Variants in TRPM6 observed in about 807,000 individuals in gnomAD.
The protein encoded by TRPM6 is channel kinase 2.
Under a neutral mutation model 247.6 loss-of-function variants are expected in TRPM6, and 111 were observed. That is an observed-to-expected ratio of 0.45 (90% CI 0.38 to 0.52). The LOEUF is 0.52. TRPM6 is among the 20% of genes least tolerant of loss of function. The pLI is 0.00. For missense variants in TRPM6, 2,126 were observed against 2,421.5 expected, an observed-to-expected ratio of 0.88 and a Z score of 2.56; for synonymous variants, 892 against 853.8, an observed-to-expected ratio of 1.04 and a Z score of -0.78.
In TRPM6 at chr9:74,886,513, C is replaced by CT. The variant is rs559658032; in HGVS notation, c.33+1310dup. 3.1e-3 allele frequency among the ~76,000 whole-genome samples: 455 copies of CT among 145,730 alleles called. 2 individuals carry two copies. Among genetic ancestry groups the CT allele is most frequent in the Admixed American group, 8.7e-3 (127 of 14,588 alleles). ...CTATGTTCTCAGTGTCTTTTTTTCTCTTTTTTTTTTTTCTTTTTTATGTTC... is the reference window on the plus strand; with the variant it reads ...CTATGTTCTCAGTGTCTTTTTTTCTCTTTTTTTTTTTTTCTTTTTTATGTTC... On this transcript the variant is annotated intron_variant, in intron 1 of 38. Transcript: ENST00000360774.
intron 36 of TRPM6, chr9:74,737,562 G>A: frequency 1.7e-6 from 1 of 586,812 alleles, no homozygotes; most frequent in Non-Finnish European, 2.8e-6. Context: ...ACAGTGAAAA[G>A]AAAAGAACAG....
intron 1 of TRPM6, among the ~76,000 whole-genome samples, chr9:74,883,947 C>T (rs10746965): frequency 0.37 from 56,113 of 151,868 alleles, 11,940 homozygotes; most frequent in East Asian, 0.5. Flanking sequence ...GTCGGGAGTT[C>T]GAGACCATCC....
At chr9:74,747,755 A>G (rs930910377) in intron 31 of TRPM6, 134 bp downstream of exon 31, 10 of 736,728 alleles carry the variant, frequency 1.4e-5, no homozygotes, top group Non-Finnish European at 2.2e-5. Context: ...TCTTCTACTG[A>G]ACTTTCTACA....
rs1217574114 is a variant in TRPM6, at chr9:74,812,284, A to C, written c.1443+15T>G. The C allele has an allele frequency of 6.2e-7, 1 of 1,613,220 alleles. No homozygotes were observed. The highest frequency in any genetic ancestry group is 1.7e-5 in the Admixed American group (1 of 59,974). On this transcript the variant is annotated intron_variant, in intron 12 of 38. Coordinates refer to ENST00000360774, the MANE Select transcript of TRPM6 (RefSeq NM_017662.5). The stretch of plus-strand genomic sequence containing the variant: ...AATCTGGAGGGAAATGATTGATGAA[A>C]TGTTCCATACTCACTGTATTGTAGA...
At chr9:74,809,603 AT>A (rs1336939167) in intron 13 of TRPM6, among the ~76,000 whole-genome samples, 4 of 152,228 alleles carry the variant, frequency 2.6e-5, no homozygotes, top group Non-Finnish European at 5.9e-5. Flanking sequence ...TTTAAAAAAA[AT>A]AAATAAAATC....
chr9:74,739,077 CT>C (rs1825779207), intron 35 of TRPM6, among the ~76,000 whole-genome samples: 1 of 152,196 alleles, frequency 6.6e-6, no homozygotes, highest in South Asian at 2.1e-4. Flanking sequence ...CATAATGCCC[CT>C]GGACATTAAT....
At chr9:74,843,122 T>C (rs1482954629) in intron 3 of TRPM6, among the ~76,000 whole-genome samples, 1 of 152,252 alleles carries the variant, frequency 6.6e-6, no homozygotes, top group Non-Finnish European at 1.5e-5. Context: ...CAATGGTCTA[T>C]CTTCACCAGT....
chr9:74,828,083 G>C, intron 6 of TRPM6, 134 bp from the exon 7 acceptor site: 1 of 916,804 alleles, frequency 1.1e-6, no homozygotes, highest in South Asian at 1.7e-5. Context: ...GCCAGGCATG[G>C]TGGCTCATGC....
intron 6 of TRPM6, among the ~76,000 whole-genome samples, chr9:74,832,081 G>A (rs921319952): frequency 6.6e-6 from 1 of 152,080 alleles, no homozygotes; most frequent in African/African-American, 2.4e-5. Flanking sequence ...TCCTCCTATG[G>A]CATAAACTTA....
chr9:74,731,000 T>TA (rs1406346531), intron 37 of TRPM6, among the ~76,000 whole-genome samples: 4 of 152,098 alleles, frequency 2.6e-5, no homozygotes, highest in East Asian at 1.9e-4. Context: ...TGAGAAACTT[T>TA]AAAAAAATAC....
At chr9:74,767,681 C>A (rs1369350076) in intron 25 of TRPM6, among the ~76,000 whole-genome samples, 2 of 152,084 alleles carry the variant, frequency 1.3e-5, no homozygotes, top group Non-Finnish European at 2.9e-5. Context: ...TTAATTAGAG[C>A]TGCAGGCTCA....
intron 13 of TRPM6, among the ~76,000 whole-genome samples, chr9:74,809,788 G>A (rs1362359462): frequency 1.3e-5 from 2 of 151,888 alleles, no homozygotes; most frequent in Non-Finnish European, 2.9e-5. Context: ...AGACCAGCCT[G>A]GCCAACATGG....
At chr9:74,847,007 T>C (rs1370669505) in intron 3 of TRPM6, among the ~76,000 whole-genome samples, 1 of 152,146 alleles carries the variant, frequency 6.6e-6, no homozygotes, top group Non-Finnish European at 1.5e-5. Context: ...CACCATGACA[T>C]TATTCCTTTG....
At chr9:74,782,151 A>G (rs1006603107) in intron 23 of TRPM6, among the ~76,000 whole-genome samples, 1 of 152,204 alleles carries the variant, frequency 6.6e-6, no homozygotes, top group Non-Finnish European at 1.5e-5. Flanking sequence ...TCCTCCACAG[A>G]TAACGATGGA....
At chr9:74,757,185 AAACT>A (rs773546280) in intron 27 of TRPM6, among the ~76,000 whole-genome samples, 17 of 150,698 alleles carry the variant, frequency 1.1e-4, no homozygotes, top group South Asian at 4.4e-4. Context: ...CTAAAAAAAC[AAACT>A]AACTAACAAA....
intron 38 of TRPM6, 40 bp from the exon 39 acceptor site, chr9:74,724,786 A>AAGAACCT (rs1825261374): frequency 1.8e-5 from 29 of 1,613,378 alleles, no homozygotes; most frequent in Non-Finnish European, 2.3e-5. Flanking sequence ...GTGGAACCCC[A>AAGAACCT]AGAACCTACT....
At chr9:74,837,286 A>C (rs990646263) in intron 5 of TRPM6, among the ~76,000 whole-genome samples, 1 of 152,202 alleles carries the variant, frequency 6.6e-6, no homozygotes, top group Non-Finnish European at 1.5e-5. Flanking sequence ...GTTAAAATGC[A>C]GGTTCTGATT....
intron 25 of TRPM6, among the ~76,000 whole-genome samples, chr9:74,766,332 C>G (rs1340992514): frequency 6.6e-6 from 1 of 152,320 alleles, no homozygotes; most frequent in South Asian, 2.1e-4. Flanking sequence ...ATTAATTTAG[C>G]CTTTCAGTCA....
In TRPM6 at chr9:74,771,823, C is replaced by G; in HGVS notation, c.3416G>C (p.Ser1139Thr). 1 of 1,613,762 alleles carries G rather than the reference C, an allele frequency of 6.2e-7. No individual in the cohort carries two copies. Among genetic ancestry groups the G allele is most frequent in the Non-Finnish European group, 8.5e-7 (1 of 1,179,782 alleles). ...ATGAAGTTTTTTCAGATCCTCCTTA[C>G]TGAGGTAGAGTTCTATAGAAATAAG... Reference protein sequence around the residue: ...EGDVGLKLYLSKEDLKKLHDF... With the variant: ...EGDVGLKLYLTKEDLKKLHDF... Residue 1139 changes from serine to threonine, a missense_variant, in exon 25 of 39, where the codon AGT (serine) becomes ACT (threonine). Transcript: ENST00000360774.
Sources: allele counts gnomAD v4.1 joint callset (sites outside exome capture counted in the v4.1 genomes callset), GRCh38; gene constraint gnomAD v4.1.1; transcripts MANE v1.5; gene names NCBI Gene and HGNC (gene_info 2026-07-23, HGNC 2026-07-21).